The following DAPK1 variants were observed in gnomAD, a reference collection of about 807,000 sequenced individuals.
DAPK1 encodes death-associated protein kinase 1.
A neutral mutation model predicts 144.9 loss-of-function variants in DAPK1; 56 were observed. That is an observed-to-expected ratio of 0.39 (90% CI 0.31 to 0.48). The LOEUF (loss-of-function observed/expected upper bound fraction) is 0.48, where lower values mean the gene tolerates loss of function less well. Ranked by LOEUF, DAPK1 falls within the 20% of genes least tolerant of loss-of-function variation. The pLI is 0.95. For synonymous variants in DAPK1, 690 were observed against 749.0 expected (o/e 0.92, Z 1.29); for missense variants, 1,454 against 1,875.4 (o/e 0.78, Z 4.15).
intron 2 of DAPK1, among the ~76,000 whole-genome samples, chr9:87,557,664 G>A (rs1441395815): frequency 1.3e-5 from 2 of 152,194 alleles, no homozygotes; most frequent in African/African-American, 4.8e-5. Context: ...TCCTTGGCAG[G>A]GCGCGGTAGC....
Position 87,563,271 on chromosome 9 carries a change from A to T in DAPK1, c.63-41683A>T, listed in dbSNP as rs141623401. Among the ~76,000 whole-genome samples the T allele has an allele frequency of 5.7e-3, 874 of 152,356 alleles. 7 individuals are homozygous for T. The highest frequency in any genetic ancestry group is 0.02 in the African/African-American group (812 of 41,588). On this transcript the variant is annotated intron_variant, in intron 2 of 25. Coordinates refer to ENST00000408954, the MANE Select transcript of DAPK1 (RefSeq NM_004938.4). ...CACAAATTTATTAAACACATACTGT[A>T]TGAGGAAGAATATGGGAGTAGCAAT...
intron 2 of DAPK1, among the ~76,000 whole-genome samples, chr9:87,561,330 G>C (rs562335087): frequency 6.6e-6 from 1 of 152,078 alleles, no homozygotes; most frequent in African/African-American, 2.4e-5. Flanking sequence ...ATCGAGACCA[G>C]CCTGGCTAAC....
intron 2 of DAPK1, among the ~76,000 whole-genome samples, chr9:87,518,756 C>T (rs1485806303): frequency 6.6e-6 from 1 of 152,106 alleles, no homozygotes; most frequent in South Asian, 2.1e-4. Context: ...GCTGACATAT[C>T]AGTGTCTACA....
chr9:87,500,396 G>T, intron 2 of DAPK1, among the ~76,000 whole-genome samples: 1 of 152,140 alleles, frequency 6.6e-6, no homozygotes. Context: ...GAGTGTGTGG[G>T]TGAAATATTT....
chr9:87,625,194 A>G (rs372313774), intron 3 of DAPK1, among the ~76,000 whole-genome samples: 3 of 151,814 alleles, frequency 2.0e-5, no homozygotes, highest in East Asian at 3.9e-4. Context: ...ATCAGCACCT[A>G]TGTGACCAGA....
chr9:87,637,668 GA>G (rs746901730), intron 3 of DAPK1, among the ~76,000 whole-genome samples: 19 of 152,258 alleles, frequency 1.2e-4, no homozygotes, highest in Non-Finnish European at 2.6e-4. Flanking sequence ...AAGATACACT[GA>G]TATTTTCTTC....
chr9:87,585,026 A>G (rs918783516), intron 2 of DAPK1, among the ~76,000 whole-genome samples: 3 of 152,134 alleles, frequency 2.0e-5, no homozygotes, highest in African/African-American at 7.2e-5. Flanking sequence ...CCATTTTAAA[A>G]TCAGGTTATT....
chr9:87,554,236 G>A (rs1024745928), intron 2 of DAPK1: 2 of 152,174 alleles, frequency 1.3e-5, no homozygotes, highest in African/African-American at 4.8e-5. Context: ...TTTGCCATTA[G>A]TAATCTCTTA....
chr9:87,638,214 A>C, intron 4 of DAPK1, 133 bp downstream of exon 4: 1 of 990,992 alleles, frequency 1.0e-6, no homozygotes. Flanking sequence ...CAGAAATATC[A>C]CTATAAATCG....
chr9:87,619,024 A>G (rs1406786687), intron 3 of DAPK1, among the ~76,000 whole-genome samples: 2 of 151,998 alleles, frequency 1.3e-5, no homozygotes, highest in Non-Finnish European at 2.9e-5. Context: ...GCCCCTCCCC[A>G]TATTCATCCA....
chr9:87,617,621 T>C (rs753323472), intron 3 of DAPK1, among the ~76,000 whole-genome samples: 1 of 152,220 alleles, frequency 6.6e-6, no homozygotes, highest in Non-Finnish European at 1.5e-5. Flanking sequence ...AACTTTCTTA[T>C]ATTTATTGCA....
chr9:87,650,557 C>T (rs1215523557), intron 16 of DAPK1: 1 of 204,418 alleles, frequency 4.9e-6, no homozygotes, highest in Admixed American at 5.3e-5. Context: ...GATGCTAGAC[C>T]AGGTTTAATT....
intron 2 of DAPK1, among the ~76,000 whole-genome samples, chr9:87,569,867 C>G (rs1827268780): frequency 6.6e-6 from 1 of 152,226 alleles, no homozygotes; most frequent in African/African-American, 2.4e-5. Flanking sequence ...CAGAAAACAA[C>G]TTTCACTAAA....
chr9:87,585,618 G>A (rs1827920053), intron 2 of DAPK1, among the ~76,000 whole-genome samples: 1 of 152,194 alleles, frequency 6.6e-6, no homozygotes, highest in East Asian at 1.9e-4. Context: ...AATGATTAAT[G>A]TGCTGACTTA....
intron 2 of DAPK1, among the ~76,000 whole-genome samples, chr9:87,524,529 C>T (rs1422974110): frequency 6.6e-6 from 1 of 152,194 alleles, no homozygotes; most frequent in Non-Finnish European, 1.5e-5. Flanking sequence ...CCAGAACCAC[C>T]TCCTCGCAGA....
chr9:87,636,277 C>A (rs984631128), intron 3 of DAPK1, among the ~76,000 whole-genome samples: 1 of 152,128 alleles, frequency 6.6e-6, no homozygotes, highest in Non-Finnish European at 1.5e-5. Context: ...CTGCTGTGTC[C>A]CCTGGAGGAT....
intron 2 of DAPK1, among the ~76,000 whole-genome samples, chr9:87,518,234 C>A (rs938914771): frequency 3.3e-5 from 5 of 151,376 alleles, no homozygotes; most frequent in Admixed American, 3.3e-4. Context: ...GCCTCAGTCT[C>A]CCATGTAGCT....
chr9:87,498,963 TCAAA>T lies in DAPK1; in HGVS notation c.-108-6_-108-3del. The stretch of plus-strand genomic sequence containing the variant: ...TATTATTATTGCCTTTTTTTTTTCT[TCAAA>T]AGGACTGGAGACTGATGCATGAGGG... On this transcript the variant is annotated splice_region_variant and splice_polypyrimidine_tract_variant and intron_variant, in intron 1 of 25. Coordinates refer to ENST00000408954, the MANE Select transcript of DAPK1 (RefSeq NM_004938.4). 1.3e-6 allele frequency: 1 copy of T among 753,818 alleles called. No individual in the cohort carries two copies. The highest frequency in any genetic ancestry group is 2.3e-6 in the Non-Finnish European group (1 of 441,088). The allele number at this position is 753,818 out of a possible 1,614,324, so 46.7% of individuals were successfully genotyped here.
At chr9:87,640,588 C>A in intron 8 of DAPK1, 138 bp downstream of exon 8, 1 of 1,119,228 alleles carries the variant, frequency 8.9e-7, no homozygotes, top group Non-Finnish European at 1.3e-6. Flanking sequence ...ATGTGAAACG[C>A]TTCAGAAAAT....
Sources: gnomAD v4.1 joint callset for allele counts (sites outside exome capture counted in the v4.1 genomes callset) on GRCh38, gnomAD v4.1.1 for gene constraint, MANE v1.5 for transcripts, NCBI Gene and HGNC (gene_info 2026-07-23, HGNC 2026-07-21) for gene names.